MYBPC1: variants seen among roughly 807,000 people sequenced by gnomAD.
MYBPC1 encodes the protein myosin-binding protein C, slow-type.
In MYBPC1, 52 loss-of-function variants were observed where a neutral mutation model predicts 147.1. The ratio of observed to expected loss-of-function variants is 0.35; its 90% CI spans 0.28 to 0.45. The LOEUF (loss-of-function observed/expected upper bound fraction) is 0.45. Among genes scored for constraint, MYBPC1 ranks in the 20% least tolerant of loss-of-function variants. The pLI is 1.00. For missense variants in MYBPC1, 1,228 were observed against 1,440.3 expected (o/e 0.85, Z 2.39); for synonymous variants, 477 against 475.9 (o/e 1.00, Z -0.03).
At chr12:101,689,118 C>T (rs899877610), downstream of MYBPC1, among the ~76,000 whole-genome samples, 5 of 152,094 alleles carry the variant, frequency 3.3e-5, no homozygotes, top group African/African-American at 7.2e-5. Context: ...TTTATGTATT[C>T]GTTATTGTCA....
chr12:101,616,318 C>A (rs906163498), intron 2 of MYBPC1, among the ~76,000 whole-genome samples: 1 of 152,180 alleles, frequency 6.6e-6, no homozygotes, highest in African/African-American at 2.4e-5. Flanking sequence ...ACACTGAGAA[C>A]CTACTGGCCA....
Position 101,670,438 on chromosome 12 carries a change from C to T in MYBPC1, c.2613+29C>T, listed in dbSNP as rs1249813034. ...AGAGTTCAAGGGTCGCTCTTTTTCT[C>T]TTTAGAGGGCTGGATTAGTTTAGGA... On this transcript the variant is annotated intron_variant, in intron 24 of 31. Coordinates refer to ENST00000361466, the MANE Select transcript of MYBPC1 (RefSeq NM_002465.4). 3.8e-6 allele frequency: 6 copies of T among 1,563,436 alleles called. No homozygotes were observed. The Admixed American group carries it at 5.0e-5, about 13-fold the overall frequency.
rs1229258405 is a variant in MYBPC1 at position 101,666,920 on chromosome 12, CACACACACAT to C, written c.2357-802_2357-793del. On this transcript the variant is annotated intron_variant, in intron 22 of 31. Coordinates refer to ENST00000361466, the MANE Select transcript of MYBPC1 (RefSeq NM_002465.4). ...ACACACACACACACACACACACACA[CACACACACAT>C]ACACACACACACATCCTTAGAGATG... 603 of 458,122 alleles carry C rather than the reference CACACACACAT, an allele frequency of 1.3e-3. 3 individuals carry two copies. Among genetic ancestry groups the C allele is most frequent in the East Asian group, 2.6e-3 (47 of 17,798 alleles). 28.4% of individuals were successfully genotyped at this position (458,122 alleles called of 1,614,324 possible). A position where few individuals can be genotyped will look rare whatever the true frequency, so the allele number is the denominator to read the frequency against.
rs1593966959 is a variant in MYBPC1 at position 101,661,229 on chromosome 12, C to A, written c.1999C>A (p.Pro667Thr). 2 of 1,613,718 alleles carry A rather than the reference C, an allele frequency of 1.2e-6. No homozygotes were observed. The highest frequency in any genetic ancestry group is 4.5e-5 in the East Asian group (2 of 44,872). The change falls in exon 20 of 32, where the codon CCT becomes ACT. Residue 667 changes from proline to threonine, a missense_variant. Physicochemically the swap from Pro to Thr is conservative, Grantham distance 38 (BLOSUM62 -1). Around this residue, in one of 2 missense-constraint regions of MYBPC1, gnomAD observed 1,077 missense variants for 1,314.2 expected, o/e 0.82. Coordinates refer to ENST00000361466, the MANE Select transcript of MYBPC1 (RefSeq NM_002465.4). ...TGACTGGTGTATCATGAACTGGGAGCCTCCTGCCTACGACGGAGGCTCTCC... is the reference window on the plus strand; with the variant it reads ...TGACTGGTGTATCATGAACTGGGAGACTCCTGCCTACGACGGAGGCTCTCC... ...GDDWCIMNWE[P>T]PAYDGGSPIL...
intron 25 of MYBPC1, 138 bp downstream of exon 25, chr12:101,673,760 T>C: frequency 8.1e-6 from 8 of 988,446 alleles, no homozygotes. Context: ...TTTTTAAAAA[T>C]AGATAAATTA....
chr12:101,682,738 T>A, intron 30 of MYBPC1, 76 bp downstream of exon 30: 1 of 1,351,328 alleles, frequency 7.4e-7, no homozygotes, highest in East Asian at 2.4e-5. Context: ...ACCTTGCATG[T>A]AAAGCTTGAC....
Position 101,673,187 on chromosome 12 carries a change from A to G in MYBPC1, c.2614-240A>G, listed in dbSNP as rs932250265. ...ACTTCTCTATCCAAAAAATGAGGAT[A>G]ATGATAAGCTTGATGTGAAGATTAA... On this transcript the variant is annotated intron_variant, in intron 24 of 31. Transcript: ENST00000361466. 2.6e-5 allele frequency among the ~76,000 whole-genome samples: 4 copies of G among 152,214 alleles called. No homozygotes were observed. The East Asian group carries it at 7.7e-4, about 29-fold the overall frequency.
chr12:101,613,778 G>T (rs1282957416), intron 1 of MYBPC1, among the ~76,000 whole-genome samples: 2 of 152,212 alleles, frequency 1.3e-5, no homozygotes, highest in Non-Finnish European at 2.9e-5. Context: ...TTGGATAGGT[G>T]TAGGTGGGAA....
chr12:101,689,567 GAA>G (rs1444181697), downstream of MYBPC1, among the ~76,000 whole-genome samples: 1 of 152,092 alleles, frequency 6.6e-6, no homozygotes, highest in Non-Finnish European at 1.5e-5. Context: ...AGTAGGAGAG[GAA>G]GCAAAGAAGA....
intron 14 of MYBPC1, among the ~76,000 whole-genome samples, chr12:101,649,003 C>T (rs1275763778): frequency 1.3e-5 from 2 of 152,182 alleles, no homozygotes; most frequent in Non-Finnish European, 2.9e-5. Flanking sequence ...CCACTCTTAG[C>T]AGTTGCACCT....
intron 16 of MYBPC1, among the ~76,000 whole-genome samples, 185 bp downstream of exon 16, chr12:101,651,578 T>A (rs1157236022): frequency 1.3e-5 from 2 of 152,228 alleles, no homozygotes. Flanking sequence ...CTACTCATAA[T>A]CCTGTATCTG....
At position 101,647,072 on chromosome 12, in the gene MYBPC1, G is replaced by A. The variant is rs545982846; in HGVS notation, c.1090+185G>A. 3 of 705,310 alleles carry A rather than the reference G, an allele frequency of 4.3e-6. 1 individual carries two copies. Among genetic ancestry groups the A allele is most frequent in the African/African-American group, 3.6e-5 (2 of 55,802 alleles). 43.7% of individuals were successfully genotyped at this position (705,310 alleles called of 1,614,324 possible). A position where few individuals can be genotyped will look rare whatever the true frequency, so the allele number is the denominator to read the frequency against. On this transcript the variant is annotated intron_variant, in intron 13 of 31. Transcript: ENST00000361466. The stretch of plus-strand genomic sequence containing the variant: ...GAAAGAGAACCTGTTGAGTACAAAT[G>A]CCTCATGTTTTGACTCAAGCCAAGC...
intron 1 of MYBPC1, among the ~76,000 whole-genome samples, chr12:101,599,520 CCTT>C (rs763043884): frequency 6.6e-6 from 1 of 152,208 alleles, no homozygotes; most frequent in African/African-American, 2.4e-5. Flanking sequence ...TGGGAAAACT[CCTT>C]CTCATATCTC....
At chr12:101,674,158 G>A (rs941270) in intron 25 of MYBPC1, among the ~76,000 whole-genome samples, 122,350 of 152,154 alleles carry the variant, frequency 0.8, 49,258 homozygotes, top group Admixed American at 0.87. Flanking sequence ...AAAATTAATG[G>A]ATGTGCTTTT....
chr12:101,631,886 G>C, intron 7 of MYBPC1, 135 bp from the exon 8 acceptor site: 3 of 1,290,600 alleles, frequency 2.3e-6, no homozygotes, highest in Non-Finnish European at 3.4e-6. Flanking sequence ...GTGTCCGGGG[G>C]CTACAGGACA....
intron 1 of MYBPC1, among the ~76,000 whole-genome samples, chr12:101,610,845 G>T (rs573761050): frequency 2.0e-5 from 3 of 152,294 alleles, no homozygotes; most frequent in East Asian, 3.9e-4. Flanking sequence ...GAAAGGAAGT[G>T]CAGGCCCGGG....
intron 18 of MYBPC1, among the ~76,000 whole-genome samples, chr12:101,656,847 G>A (rs1324928792): frequency 6.6e-6 from 1 of 152,086 alleles, no homozygotes; most frequent in East Asian, 1.9e-4. Flanking sequence ...TCAATCAATT[G>A]TATATAAATA....
chr12:101,647,433 A>G (rs1343121584), intron 13 of MYBPC1, among the ~76,000 whole-genome samples: 5 of 152,244 alleles, frequency 3.3e-5, no homozygotes. Context: ...AGCATTTAGT[A>G]TCTTCTTTGC....
intron 22 of MYBPC1, chr12:101,664,383 G>GT (rs1897086895): frequency 6.6e-6 from 1 of 152,156 alleles, no homozygotes; most frequent in African/African-American, 2.4e-5. Context: ...CTAGATGCTG[G>GT]TAGGTAAACA....
Sources: allele counts gnomAD v4.1 joint callset (sites outside exome capture counted in the v4.1 genomes callset), GRCh38; gene constraint gnomAD v4.1.1; regional missense constraint gnomAD v4.1.1; transcripts MANE v1.5; gene names NCBI Gene and HGNC (gene_info 2026-07-23, HGNC 2026-07-21).